ALKBH3: variants seen among roughly 807,000 people sequenced by gnomAD.
ALKBH3 encodes the protein alkB homolog 3, alpha-ketoglutarate dependent dioxygenase, also known as alpha-ketoglutarate-dependent dioxygenase alkB homolog 3.
In ALKBH3, 51 loss-of-function variants were observed where a neutral mutation model predicts 43.9. That is an observed-to-expected ratio of 1.16 (90% CI 0.93 to 1.47). The LOEUF (loss-of-function observed/expected upper bound fraction) is 1.47, where lower values mean the gene tolerates loss of function less well. Among genes scored for constraint, ALKBH3 ranks in the 40% most tolerant of loss-of-function variants. ALKBH3 has a pLI of 0.00. For missense variants in ALKBH3, 361 were observed against 351.9 expected, an observed-to-expected ratio of 1.03 and a Z score of -0.21; for synonymous variants, 102 against 115.2, an observed-to-expected ratio of 0.89 and a Z score of 0.73.
Position 43,892,025 on chromosome 11 carries a change from G to C in ALKBH3, c.371-16G>C. 1 of 1,594,054 alleles carries C rather than the reference G, an allele frequency of 6.3e-7. No individual in the cohort carries two copies. The highest frequency in any genetic ancestry group is 8.6e-7 in the Non-Finnish European group (1 of 1,162,006). On this transcript the variant is annotated splice_polypyrimidine_tract_variant and intron_variant, in intron 6 of 9. Coordinates refer to ENST00000302708, the MANE Select transcript of ALKBH3 (RefSeq NM_139178.4). Reference sequence around the variant, plus strand: ...TAGCATTAAACCATTTCAAAGGCCTGTATTTTCTTTCTTAGATATAACTTA... The same window carrying C: ...TAGCATTAAACCATTTCAAAGGCCTCTATTTTCTTTCTTAGATATAACTTA...
At chr11:43,899,262 A>G in intron 7 of ALKBH3, 1 of 724,748 alleles carries the variant, frequency 1.4e-6, no homozygotes. Context: ...CTGATCTGCA[A>G]AGGAGAAGGC....
chr11:43,896,265 A>G (rs1412600305), intron 7 of ALKBH3, among the ~76,000 whole-genome samples: 1 of 121,224 alleles, frequency 8.2e-6, no homozygotes, highest in Non-Finnish European at 1.8e-5. Context: ...CTAATAGGAT[A>G]GATACACACA....
At chr11:43,907,447 C>G in intron 8 of ALKBH3, among the ~76,000 whole-genome samples, 1 of 152,152 alleles carries the variant, frequency 6.6e-6, no homozygotes, top group East Asian at 1.9e-4. Flanking sequence ...TTCAGTAGGA[C>G]AAACTTGTGT....
At chr11:43,899,047 A>C (rs1951841121) in intron 7 of ALKBH3, 1 of 749,360 alleles carries the variant, frequency 1.3e-6, no homozygotes, top group South Asian at 1.3e-5. Flanking sequence ...ATTCTCATTC[A>C]GATTGTGGAT....
chr11:43,900,646 C>A (rs1951857083), intron 7 of ALKBH3, among the ~76,000 whole-genome samples: 1 of 152,182 alleles, frequency 6.6e-6, no homozygotes, highest in Non-Finnish European at 1.5e-5. Context: ...TCAATAATTT[C>A]TCATGTAAAA....
intron 4 of ALKBH3, 46 bp downstream of exon 4, chr11:43,884,063 G>A: frequency 1.2e-6 from 2 of 1,606,358 alleles, no homozygotes; most frequent in African/African-American, 1.3e-5. Context: ...ACAGTGAAAT[G>A]AAGAGCCTGG....
chr11:43,919,219 T>G, intron 9 of ALKBH3, 83 bp downstream of exon 9: 1 of 1,216,862 alleles, frequency 8.2e-7, no homozygotes, highest in South Asian at 1.2e-5. Context: ...GTAGACATGG[T>G]GAAAAGCAAG....
chr11:43,898,973 C>T (rs1428015876), intron 7 of ALKBH3: 1 of 752,336 alleles, frequency 1.3e-6, no homozygotes, highest in Non-Finnish European at 2.5e-6. Context: ...AGAATGAAGA[C>T]CTCAAGCTCT....
In ALKBH3 at chr11:43,889,744, T is replaced by G. The variant is rs1951770323; in HGVS notation, c.286T>G (p.Phe96Val). Residue 96 changes from phenylalanine to valine, a missense_variant, in exon 6 of 10, where the codon TTT becomes GTT. Transcript: ENST00000302708. ...GVSRVCLYPG[F>V]VDVKEADWIL... ...ACCCAGGGTCTGTTTGTATCCTGGC[T>G]TTGTTGACGTGAAAGAAGCTGACTG... 1.9e-6 allele frequency: 3 copies of G among 1,613,984 alleles called. No individual in the cohort carries two copies. Among genetic ancestry groups the G allele is most frequent in the Admixed American group, 1.7e-5 (1 of 59,994 alleles).
intron 7 of ALKBH3, chr11:43,899,309 T>C (rs1951843604): frequency 1.4e-6 from 1 of 699,334 alleles, no homozygotes; most frequent in Non-Finnish European, 2.7e-6. Context: ...GCCGGGCCTC[T>C]GCATCCTGCA....
chr11:43,915,344 T>C (rs2135206964), intron 8 of ALKBH3, among the ~76,000 whole-genome samples: 1 of 152,234 alleles, frequency 6.6e-6, no homozygotes, highest in South Asian at 2.1e-4. Context: ...GGTACTGTCA[T>C]GTTTTCCTGG....
chr11:43,899,637 G>A (rs544666340), intron 7 of ALKBH3: 26 of 478,240 alleles, frequency 5.4e-5, no homozygotes, highest in African/African-American at 3.4e-4. Context: ...CCCTCCCGCC[G>A]AGCAGAGACA....
At position 43,889,715 on chromosome 11, in the gene ALKBH3, C is replaced by T. The variant is rs1469984652; in HGVS notation, c.267-10C>T. On this transcript the variant is annotated splice_polypyrimidine_tract_variant and intron_variant, in intron 5 of 9. Transcript: ENST00000302708. ...TGTTTTTTGGTTAACAATGTTCATT[C>T]TGCACCCAGGGTCTGTTTGTATCCT... is the stretch of plus-strand genomic sequence containing the variant. The T allele has an allele frequency of 6.2e-7, 1 of 1,612,022 alleles. No individual in the cohort carries two copies. Among genetic ancestry groups the T allele is most frequent in the East Asian group, 2.2e-5 (1 of 44,842 alleles).
chr11:43,906,090 C>T (rs1046566794), intron 8 of ALKBH3, among the ~76,000 whole-genome samples: 15 of 152,204 alleles, frequency 9.9e-5, no homozygotes, highest in African/African-American at 3.6e-4. Flanking sequence ...TCCTATTCAC[C>T]TCAGGGTGAT....
intron 8 of ALKBH3, among the ~76,000 whole-genome samples, chr11:43,917,461 A>G (rs888333889): frequency 6.6e-6 from 1 of 152,158 alleles, no homozygotes; most frequent in Non-Finnish European, 1.5e-5. Context: ...GATTAAGCCC[A>G]TGTTGCACTC....
At chr11:43,919,609 C>G (rs779938008) in intron 9 of ALKBH3, 1 of 330,382 alleles carries the variant, frequency 3.0e-6, no homozygotes, top group African/African-American at 2.1e-5. Context: ...TCTCATGCCT[C>G]TCTTTGGTCT....
chr11:43,884,051 C>G, intron 4 of ALKBH3, 34 bp downstream of exon 4: 1 of 1,612,702 alleles, frequency 6.2e-7, no homozygotes, highest in Non-Finnish European at 8.5e-7. Context: ...TAATTGTTGC[C>G]CACAGTGAAA....
At chr11:43,881,817 G>T (rs1190256958) in intron 1 of ALKBH3, among the ~76,000 whole-genome samples, 2 of 152,222 alleles carry the variant, frequency 1.3e-5, no homozygotes, top group Non-Finnish European at 2.9e-5. Context: ...TAAAGAAATA[G>T]ATTACAGATG....
Position 43,897,686 on chromosome 11 carries a change from C to A in ALKBH3, c.460-3830C>A, listed in dbSNP as rs143752599. 8.2e-4 allele frequency: 676 copies of A among 825,648 alleles called. 14 individuals are homozygous for A. The East Asian group carries it at 0.012, about 14-fold the overall frequency. 51.1% of individuals were successfully genotyped at this position (825,648 alleles called of 1,614,324 possible). On this transcript the variant is annotated intron_variant, in intron 7 of 9. Coordinates refer to ENST00000302708, the MANE Select transcript of ALKBH3 (RefSeq NM_139178.4). ...TGAAGAAGATTGCAGGAGTTGATTA[C>A]GTTTATTTTGTCCAGAAGAACTCAC...
Sources: allele counts gnomAD v4.1 joint callset (sites outside exome capture counted in the v4.1 genomes callset), GRCh38; gene constraint gnomAD v4.1.1; transcripts MANE v1.5; gene names NCBI Gene and HGNC (gene_info 2026-07-23, HGNC 2026-07-21).